EXOC4: variants seen among roughly 807,000 people sequenced by gnomAD.
The protein encoded by EXOC4 is SEC8-like 1.
In EXOC4, 71 loss-of-function variants were observed where a neutral mutation model predicts 107.2. The observed-to-expected ratio is 0.66, with a 90% CI of 0.55 to 0.81. EXOC4 has a LOEUF of 0.81. EXOC4 is among the 30% of genes least tolerant of loss of function. The pLI is 0.00. For missense variants in EXOC4, 1,108 were observed against 1,189.6 expected (o/e 0.93, Z 1.01); for synonymous variants, 456 against 441.2 (o/e 1.03, Z -0.42).
chr7:133,793,692 A>G (rs1341867343), intron 10 of EXOC4, among the ~76,000 whole-genome samples: 1 of 152,038 alleles, frequency 6.6e-6, no homozygotes, highest in African/African-American at 2.4e-5. Context: ...TAAAAATACA[A>G]AAATTAGTGG....
chr7:133,971,361 T>TATATATAGAGAGAG (rs1489958236), intron 14 of EXOC4, among the ~76,000 whole-genome samples: 23 of 75,064 alleles, frequency 3.1e-4, no homozygotes, highest in African/African-American at 9.1e-4. Flanking sequence ...TATATATATA[T>TATATATAGAGAGAG]AGAGAGAGAG....
chr7:133,977,013 G>A lies in EXOC4; in HGVS notation c.2207-20479G>A, dbSNP rs916324743. On this transcript the variant is annotated intron_variant, in intron 14 of 17. Transcript: ENST00000253861. ...TCAATTTCATACCTTTAACCTAATT[G>A]CCAAAGGCTTGCTTGAGGCTTGGTG... 8.3e-4 allele frequency among the ~76,000 whole-genome samples: 126 copies of A among 152,298 alleles called. 1 individual carries two copies. Among genetic ancestry groups the A allele is most frequent in the African/African-American group, 3.0e-3 (124 of 41,566 alleles).
In EXOC4 at chr7:133,823,846, TATATA is replaced by T. The variant is rs1563014554; in HGVS notation, c.1734+6303_1734+6307del. Among the ~76,000 whole-genome samples, 6 of 1,600 alleles carry T rather than the reference TATATA, an allele frequency of 3.7e-3. 1 individual carries two copies. Among genetic ancestry groups the T allele is most frequent in the Non-Finnish European group, 5.9e-3 (5 of 846 alleles). The allele number at this position is 1,600 out of a possible 152,430, so 1.0% of individuals were successfully genotyped here. A position where few individuals can be genotyped will look rare whatever the true frequency, so the allele number is the denominator to read the frequency against. On this transcript the variant is annotated intron_variant, in intron 11 of 17. Coordinates refer to ENST00000253861, the MANE Select transcript of EXOC4 (RefSeq NM_021807.4). ...CATACATATATATATATATATATTA[TATATA>T]TATATATATATATATATATATTATA...
intron 4 of EXOC4, among the ~76,000 whole-genome samples, chr7:133,307,439 A>T (rs1445596587): frequency 2.0e-5 from 3 of 152,118 alleles, no homozygotes; most frequent in Non-Finnish European, 4.4e-5. Flanking sequence ...CTTCCCATAC[A>T]AGGTTAAGTA....
intron 9 of EXOC4, among the ~76,000 whole-genome samples, chr7:133,591,561 TGTGTGTGC>T (rs752208850): frequency 0.26 from 4,828 of 18,830 alleles, 169 homozygotes; most frequent in African/African-American, 0.28. Flanking sequence ...TGTGTGTGTG[TGTGTGTGC>T]GTGTGTGTGT....
chr7:133,858,315 C>T (rs1353271980), intron 11 of EXOC4, among the ~76,000 whole-genome samples: 1 of 152,114 alleles, frequency 6.6e-6, no homozygotes, highest in African/African-American at 2.4e-5. Flanking sequence ...TGCAGACGGG[C>T]AGTCGTACCA....
chr7:134,056,171 A>G (rs1795918002), intron 17 of EXOC4, among the ~76,000 whole-genome samples: 3 of 152,210 alleles, frequency 2.0e-5, no homozygotes, highest in African/African-American at 7.2e-5. Flanking sequence ...TCACCCTATG[A>G]TATTAGATAA....
intron 9 of EXOC4, chr7:133,480,443 C>T (rs1291923895): frequency 3.5e-6 from 4 of 1,133,896 alleles, no homozygotes; most frequent in East Asian, 5.0e-5. Context: ...GAATGTTGGT[C>T]TTCTGCGACT....
intron 17 of EXOC4, among the ~76,000 whole-genome samples, chr7:134,019,880 A>G (rs17167391): frequency 6.6e-6 from 1 of 151,820 alleles, no homozygotes; most frequent in Non-Finnish European, 1.5e-5. Context: ...TAACTGTTTT[A>G]ATCAGCTTTA....
chr7:133,436,552 G>A (rs1797980124), intron 7 of EXOC4, among the ~76,000 whole-genome samples: 2 of 150,980 alleles, frequency 1.3e-5, no homozygotes, highest in South Asian at 4.2e-4. Flanking sequence ...TACTCTACTG[G>A]CATAATACTT....
chr7:133,470,655 T>C (rs1054983718), intron 7 of EXOC4, among the ~76,000 whole-genome samples: 2 of 152,162 alleles, frequency 1.3e-5, no homozygotes, highest in African/African-American at 4.8e-5. Context: ...CCATCAATTT[T>C]GACTATTATT....
At chr7:133,654,546 C>A (rs1249617400) in intron 10 of EXOC4, among the ~76,000 whole-genome samples, 1 of 152,082 alleles carries the variant, frequency 6.6e-6, no homozygotes, top group African/African-American at 2.4e-5. Flanking sequence ...TCTGAGGGGC[C>A]TTAGCATTTG....
intron 10 of EXOC4, among the ~76,000 whole-genome samples, chr7:133,637,055 G>T (rs1231738674): frequency 6.6e-6 from 1 of 152,188 alleles, no homozygotes. Context: ...TTGTGAAATA[G>T]CTTTGAAATG....
intron 3 of EXOC4, among the ~76,000 whole-genome samples, chr7:133,299,625 T>C (rs1449206524): frequency 2.0e-5 from 3 of 152,194 alleles, no homozygotes; most frequent in Admixed American, 2.0e-4. Context: ...TCACATTTGA[T>C]CCTGTTTTCG....
chr7:133,336,280 C>A (rs923103705), intron 5 of EXOC4, among the ~76,000 whole-genome samples: 3 of 152,030 alleles, frequency 2.0e-5, no homozygotes, highest in Admixed American at 6.6e-5. Flanking sequence ...TGAGGCCTAC[C>A]CCCCTGTGTT....
In EXOC4 at chr7:133,702,099, C is replaced by G. The variant is rs1223487918; in HGVS notation, c.1514+71958C>G. Among the ~76,000 whole-genome samples the G allele has an allele frequency of 2.0e-5, 3 of 147,366 alleles. No individual in the cohort carries two copies. The East Asian group carries it at 6.1e-4, about 30-fold the overall frequency. The stretch of plus-strand genomic sequence containing the variant: ...CACTGCAGCCTCGACCTCCCACACT[C>G]AAGTGATCATCATTTCTGACTCTGA... On this transcript the variant is annotated intron_variant, in intron 10 of 17. Transcript: ENST00000253861.
In EXOC4 at chr7:133,997,553, C is replaced by A; in HGVS notation, c.2268C>A (p.Ile756=). 1 of 1,613,750 alleles carries A rather than the reference C, an allele frequency of 6.2e-7. No homozygotes were observed. The change falls in exon 15 of 18, where the codon ATC becomes ATA. Residue 756 remains isoleucine, a synonymous_variant. Coordinates refer to ENST00000253861, the MANE Select transcript of EXOC4 (RefSeq NM_021807.4). The part of the protein sequence containing the change: ...NTDLPPVSEQ[I]MQTLSELAKS... ...ATCTCCCCCCAGTGTCAGAGCAGAT[C>A]ATGCAGACTCTCAGTGAACTTGCCA...
chr7:133,985,566 A>G (rs553620870), intron 14 of EXOC4, among the ~76,000 whole-genome samples: 6 of 152,298 alleles, frequency 3.9e-5, no homozygotes, highest in East Asian at 1.9e-4. Context: ...TCTAGGGCCA[A>G]TGAGCTTTCT....
At chr7:133,785,214 CTG>C (rs1209216092) in intron 10 of EXOC4, among the ~76,000 whole-genome samples, 1 of 152,094 alleles carries the variant, frequency 6.6e-6, no homozygotes, top group East Asian at 1.9e-4. Flanking sequence ...TTCTTCGGGT[CTG>C]TTTGCCTACA....
Sources: allele counts gnomAD v4.1 joint callset (sites outside exome capture counted in the v4.1 genomes callset), GRCh38; gene constraint gnomAD v4.1.1; transcripts MANE v1.5; gene names NCBI Gene and HGNC (gene_info 2026-07-23, HGNC 2026-07-21).